FCRL2: variants seen among roughly 807,000 people sequenced by gnomAD.
FCRL2 encodes the protein Fc receptor-like protein 2.
A neutral mutation model predicts 59.8 loss-of-function variants in FCRL2; 48 were observed. The observed-to-expected ratio is 0.80, with a 90% CI of 0.64 to 1.02. The LOEUF (loss-of-function observed/expected upper bound fraction) is 1.02, where lower values mean the gene tolerates loss of function less well. Among genes scored for constraint, FCRL2 ranks in the 50% least tolerant of loss-of-function variants. The pLI, the probability that FCRL2 is intolerant of heterozygous loss-of-function variation, is 0.00. For synonymous variants in FCRL2, 251 were observed against 229.5 expected, an observed-to-expected ratio of 1.09 and a Z score of -0.85; for missense variants, 658 against 597.3, an observed-to-expected ratio of 1.10 and a Z score of -1.06.
chr1:157,751,431 C>T (rs770494528), intron 7 of FCRL2, among the ~76,000 whole-genome samples: 14 of 152,166 alleles, frequency 9.2e-5, no homozygotes, highest in Admixed American at 8.5e-4. Flanking sequence ...TATAGTCAAT[C>T]GGAGGACAAT....
chr1:157,763,300 G>A (rs12089122), intron 7 of FCRL2, among the ~76,000 whole-genome samples: 1 of 151,208 alleles, frequency 6.6e-6, no homozygotes, highest in East Asian at 2.0e-4. Flanking sequence ...GGGCAGGAGG[G>A]TCATTTGAGG....
At chr1:157,760,666 G>A (rs1305361083) in intron 7 of FCRL2, among the ~76,000 whole-genome samples, 22 of 113,030 alleles carry the variant, frequency 1.9e-4, no homozygotes, top group African/African-American at 8.0e-4. Context: ...AAGGAAGGAA[G>A]GAAGGAAGGA....
intron 7 of FCRL2, among the ~76,000 whole-genome samples, chr1:157,752,005 C>T (rs1290273738): frequency 6.6e-6 from 1 of 152,216 alleles, no homozygotes; most frequent in African/African-American, 2.4e-5. Flanking sequence ...TGGCCAGAAC[C>T]CTTTCCATAT....
intron 10 of FCRL2, among the ~76,000 whole-genome samples, chr1:157,747,244 G>A (rs1647819106): frequency 6.6e-6 from 1 of 152,156 alleles, no homozygotes; most frequent in Non-Finnish European, 1.5e-5. Flanking sequence ...AACCAATCAT[G>A]TGTGGTTCAC....
chr1:157,770,018 T>A lies in FCRL2; in HGVS notation c.443A>T (p.Glu148Val). The A allele has an allele frequency of 6.2e-7, 1 of 1,614,186 alleles. No individual in the cohort carries two copies. The highest frequency in any genetic ancestry group is 1.3e-5 in the African/African-American group (1 of 75,050). The change falls in exon 4 of 12, where the codon GAA becomes GTA. Residue 148 changes from glutamate (E) to valine (V), a missense_variant. Glu to Val is a moderately radical substitution (Grantham distance 121). Coordinates refer to ENST00000361516, the MANE Select transcript of FCRL2 (RefSeq NM_030764.4). The part of the protein sequence containing the change: ...DVQLQFCFFR[E>V]NQVLGSGWSS... ...CCAGCCTGACCCCAGGACCTGGTTT[T>A]CTCTGAAGAAGCAGAACTGGAGTTG...
At chr1:157,763,844 C>T (rs1360923195) in intron 7 of FCRL2, among the ~76,000 whole-genome samples, 1 of 152,038 alleles carries the variant, frequency 6.6e-6, no homozygotes, top group Non-Finnish European at 1.5e-5. Flanking sequence ...TCCTGGCCAA[C>T]ATGGTGAAAC....
At chr1:157,768,298 C>T (rs1382110644) in intron 5 of FCRL2, 116 bp downstream of exon 5, 2 of 1,075,968 alleles carry the variant, frequency 1.9e-6, no homozygotes, top group Non-Finnish European at 2.7e-6. Context: ...TTTCAAATTG[C>T]TTTTGGTTCT....
intron 8 of FCRL2, 128 bp from the exon 9 acceptor site, chr1:157,749,088 C>A: frequency 9.8e-6 from 7 of 715,722 alleles, no homozygotes; most frequent in South Asian, 4.0e-5. Flanking sequence ...GATTTTATGG[C>A]CCTTTGTGTA....
At position 157,762,217 on chromosome 1, in the gene FCRL2, G is replaced by T. The variant is rs188673724; in HGVS notation, c.1279+4638C>A. Among the ~76,000 whole-genome samples, 12 of 152,244 alleles carry T rather than the reference G, an allele frequency of 7.9e-5. No individual in the cohort carries two copies. The East Asian group carries it at 2.3e-3, about 29-fold the overall frequency. On this transcript the variant is annotated intron_variant, in intron 7 of 11. Coordinates refer to ENST00000361516, the MANE Select transcript of FCRL2 (RefSeq NM_030764.4). ...CTATCACCACAACTGATACCTACCC[G>T]CATGCACCATCTGCAGGTCTGGAGT...
Position 157,767,239 on chromosome 1 carries a change from G to C in FCRL2, c.1154C>G (p.Ser385Cys), listed in dbSNP as rs774888156. The C allele has an allele frequency of 1.9e-6, 3 of 1,612,044 alleles. No homozygotes were observed. Among genetic ancestry groups the C allele is most frequent in the Non-Finnish European group, 2.5e-6 (3 of 1,179,028 alleles). ...GAQCSEAVPVSISGPDGYRRD... is the reference protein window; with the variant it reads ...GAQCSEAVPVCISGPDGYRRD... ...AGGTAACACCCACCCACCTGAGATGGAGACTGGCACTGCCTCACTGCACTG... is the reference window on the plus strand; with the variant it reads ...AGGTAACACCCACCCACCTGAGATGCAGACTGGCACTGCCTCACTGCACTG... Residue 385 changes from serine (S) to cysteine (C), a missense_variant, in exon 6 of 12, where the codon TCC (serine) becomes TGC (cysteine). Ser to Cys is a moderately radical substitution (Grantham distance 112). Transcript: ENST00000361516.
chr1:157,762,227 T>A (rs1194009080), intron 7 of FCRL2, among the ~76,000 whole-genome samples: 1 of 152,166 alleles, frequency 6.6e-6, no homozygotes, highest in Admixed American at 6.5e-5. Context: ...GCATGCACCA[T>A]CTGCAGGTCT....
At chr1:157,755,483 C>T (rs1648516376) in intron 7 of FCRL2, among the ~76,000 whole-genome samples, 1 of 152,076 alleles carries the variant, frequency 6.6e-6, no homozygotes. Context: ...ATAAAGGTAT[C>T]TAATTTGAAT....
intron 7 of FCRL2, among the ~76,000 whole-genome samples, chr1:157,754,216 C>T (rs1648415021): frequency 6.6e-6 from 1 of 152,062 alleles, no homozygotes; most frequent in Admixed American, 6.6e-5. Context: ...AGATACAGGT[C>T]ATAAAGACCT....
intron 1 of FCRL2, among the ~76,000 whole-genome samples, chr1:157,776,272 T>C (rs966573562): frequency 2.6e-5 from 4 of 152,190 alleles, no homozygotes; most frequent in Admixed American, 2.6e-4. Context: ...ATTTAGTGCC[T>C]ACACAGCATA....
chr1:157,760,706 A>AGAAG (rs768941849), intron 7 of FCRL2, among the ~76,000 whole-genome samples: 1 of 105,600 alleles, frequency 9.5e-6, no homozygotes, highest in Non-Finnish European at 1.9e-5. Flanking sequence ...AAGGAAAGAA[A>AGAAG]GAAAGAAAGA....
rs560502784 is a variant in FCRL2, at chr1:157,765,318, G to C, written c.1279+1537C>G. Among the ~76,000 whole-genome samples, 8 of 152,210 alleles carry C rather than the reference G, an allele frequency of 5.3e-5. No individual in the cohort carries two copies. In the South Asian group the frequency reaches 8.3e-4, roughly 16 times the overall value. The stretch of plus-strand genomic sequence containing the variant: ...CATTAATAATCAGCTTTCTAACAAA[G>C]AAAAGCCGAGGACTGGATGGATTTA... On this transcript the variant is annotated intron_variant, in intron 7 of 11. Transcript: ENST00000361516.
chr1:157,760,683 GAAAGAAAGAAAGAAGGAAA>G (rs1557860294), intron 7 of FCRL2, among the ~76,000 whole-genome samples: 86 of 122,432 alleles, frequency 7.0e-4, no homozygotes, highest in African/African-American at 3.3e-3. Flanking sequence ...AGGAAGGAAA[GAAAGAAAGAAAGAAGGAAA>G]GAAAGAAAGA....
chr1:157,775,563 G>A (rs1279619599), intron 2 of FCRL2, among the ~76,000 whole-genome samples: 3 of 152,236 alleles, frequency 2.0e-5, no homozygotes, highest in Non-Finnish European at 2.9e-5. Flanking sequence ...AGGCAAGCAT[G>A]TGGGGTCTTG....
intron 7 of FCRL2, among the ~76,000 whole-genome samples, chr1:157,754,146 G>T (rs1396966799): frequency 1.3e-5 from 2 of 151,996 alleles, no homozygotes; most frequent in African/African-American, 2.4e-5. Flanking sequence ...AAACCTACTG[G>T]GCCCCATTCC....
Sources: gnomAD v4.1 joint callset for allele counts (sites outside exome capture counted in the v4.1 genomes callset) on GRCh38, gnomAD v4.1.1 for gene constraint, MANE v1.5 for transcripts, NCBI Gene and HGNC (gene_info 2026-07-23, HGNC 2026-07-21) for gene names.